Variants in KLRG1 observed in about 807,000 individuals in gnomAD.
KLRG1 encodes the protein killer cell lectin-like receptor subfamily G member 1.
KLRG1 carries 16 observed loss-of-function variants against 21.8 expected under a neutral mutation model. The ratio of observed to expected loss-of-function variants is 0.73; its 90% CI spans 0.50 to 1.11. KLRG1 has a LOEUF of 1.11. KLRG1 is among the 50% of genes most tolerant of loss of function. The pLI, the probability that KLRG1 is intolerant of heterozygous loss-of-function variation, is 0.00. For synonymous variants in KLRG1, 69 were observed against 75.9 expected (o/e 0.91, Z 0.47); for missense variants, 173 against 218.3 (o/e 0.79, Z 1.31).
chr12:9,067,524 C>A, the KLRG1 span: 1 of 460,694 alleles, frequency 2.2e-6, no homozygotes, highest in Non-Finnish European at 4.0e-6. Context: ...AGTACATAAC[C>A]CAATACTTTC....
chr12:8,978,684 CTTTCT>C (rs1216717650), intron 1 of KLRG1, among the ~76,000 whole-genome samples: 2 of 127,238 alleles, frequency 1.6e-5, no homozygotes, highest in African/African-American at 5.8e-5. Context: ...TTCTTTCTTT[CTTTCT>C]TTTTCTTTCT....
downstream of KLRG1, among the ~76,000 whole-genome samples, chr12:9,011,557 G>A (rs1374254521): frequency 1.3e-5 from 2 of 152,178 alleles, no homozygotes; most frequent in Non-Finnish European, 2.9e-5. Context: ...GGAACACACA[G>A]GAGGAGGTGG....
the KLRG1 span, chr12:9,095,671 G>GA: frequency 6.2e-7 from 1 of 1,608,524 alleles, no homozygotes; most frequent in Non-Finnish European, 8.5e-7. Flanking sequence ...GGAAGCCAGT[G>GA]AGGTCCTTTT....
the KLRG1 span, among the ~76,000 whole-genome samples, chr12:9,020,262 G>T: frequency 2.0e-5 from 3 of 152,142 alleles, no homozygotes; most frequent in Non-Finnish European, 4.4e-5. Flanking sequence ...CATACAATAA[G>T]TGGGATATAT....
chr12:9,202,764 A>C, the KLRG1 span: 2 of 1,372,116 alleles, frequency 1.5e-6, no homozygotes, highest in South Asian at 1.4e-5. Context: ...GCTATTTCCT[A>C]TCTCTCCTTC....
the KLRG1 span, chr12:9,070,638 C>T: frequency 8.3e-7 from 1 of 1,199,618 alleles, no homozygotes; most frequent in African/African-American, 1.5e-5. Context: ...TTTTCTTCTT[C>T]TATGTCCATG....
chr12:9,050,093 C>A, the KLRG1 span, among the ~76,000 whole-genome samples: 1 of 152,200 alleles, frequency 6.6e-6, no homozygotes, highest in East Asian at 1.9e-4. Flanking sequence ...AACCTGAAAT[C>A]TACAGTAGAC....
chr12:9,052,372 C>A, the KLRG1 span, among the ~76,000 whole-genome samples: 3 of 152,160 alleles, frequency 2.0e-5, no homozygotes, highest in African/African-American at 7.2e-5. Flanking sequence ...TTGGGAAGGG[C>A]AAATTCAAAT....
At chr12:9,173,893 A>G in the KLRG1 span, among the ~76,000 whole-genome samples, 1 of 152,244 alleles carries the variant, frequency 6.6e-6, no homozygotes, top group Admixed American at 6.5e-5. Flanking sequence ...GAATTCTACC[A>G]TAGGTACAAA....
the KLRG1 span, among the ~76,000 whole-genome samples, chr12:9,129,161 A>C: frequency 6.6e-6 from 1 of 152,232 alleles, no homozygotes; most frequent in Non-Finnish European, 1.5e-5. Context: ...TAGGCACTTA[A>C]TAACAATCGG....
the KLRG1 span, among the ~76,000 whole-genome samples, chr12:9,139,748 C>A: frequency 2.0e-5 from 3 of 152,230 alleles, no homozygotes; most frequent in Non-Finnish European, 2.9e-5. Flanking sequence ...GTAGCCACTC[C>A]TCCTGTAAGA....
At chr12:9,163,447 C>T in the KLRG1 span, among the ~76,000 whole-genome samples, 8 of 135,808 alleles carry the variant, frequency 5.9e-5, no homozygotes, top group East Asian at 1.3e-3. Context: ...AGCAAAACTC[C>T]GTCTCAAAAA....
At chr12:8,977,076 A>G (rs1349410553) in intron 1 of KLRG1, among the ~76,000 whole-genome samples, 1 of 151,622 alleles carries the variant, frequency 6.6e-6, no homozygotes, top group Non-Finnish European at 1.5e-5. Context: ...TTTCTCATGT[A>G]AGTATAGCCA....
At chr12:9,122,014 T>C in the KLRG1 span, among the ~76,000 whole-genome samples, 7 of 152,240 alleles carry the variant, frequency 4.6e-5, no homozygotes, top group Non-Finnish European at 8.8e-5. Flanking sequence ...TTCAGCATCA[T>C]TGTCACTTGT....
the KLRG1 span, among the ~76,000 whole-genome samples, chr12:9,034,636 C>T: frequency 3.3e-5 from 5 of 151,934 alleles, no homozygotes; most frequent in African/African-American, 4.8e-5. Flanking sequence ...TTAGTAGAGA[C>T]GGGTTTCATC....
intron 1 of KLRG1, among the ~76,000 whole-genome samples, chr12:8,969,369 G>A (rs11834163): frequency 0.34 from 51,528 of 151,966 alleles, 9,068 homozygotes; most frequent in Admixed American, 0.4. Flanking sequence ...CTCCCAGGCT[G>A]TTGCTCAGTG....
chr12:9,134,269 C>A, the KLRG1 span, among the ~76,000 whole-genome samples: 1 of 152,190 alleles, frequency 6.6e-6, no homozygotes, highest in African/African-American at 2.4e-5. Flanking sequence ...GTGCTTGACT[C>A]CGGTCTCAAG....
chr12:9,020,479 CTAGAGTTTTACAGTACA>C, the KLRG1 span, among the ~76,000 whole-genome samples: 3 of 152,182 alleles, frequency 2.0e-5, no homozygotes, highest in African/African-American at 7.2e-5. Context: ...ACAGCATCTT[CTAGAGTTTTACAGTACA>C]TAGAGTTTTA....
chr12:9,011,934 T>C (rs1402257114), downstream of KLRG1, among the ~76,000 whole-genome samples: 1 of 152,184 alleles, frequency 6.6e-6, no homozygotes, highest in Non-Finnish European at 1.5e-5. Flanking sequence ...AGACCAGCCC[T>C]AGCCACAGGG....
Sources: allele counts gnomAD v4.1 joint callset (sites outside exome capture counted in the v4.1 genomes callset), GRCh38; gene constraint gnomAD v4.1.1; transcripts MANE v1.5; gene names NCBI Gene and HGNC (gene_info 2026-07-23, HGNC 2026-07-21).